The following CHTF8 variants were observed in gnomAD, a reference collection of about 807,000 sequenced individuals.
The protein encoded by CHTF8 is chromosome transmission fidelity protein 8 homolog.
In CHTF8, 6 loss-of-function variants were observed where a neutral mutation model predicts 11.0. That is an observed-to-expected ratio of 0.55 (90% CI 0.30 to 1.08). CHTF8 has a LOEUF of 1.08. CHTF8 is among the 50% of genes least tolerant of loss of function. The pLI is 0.07. For missense variants in CHTF8, 140 were observed against 153.1 expected (o/e 0.91, Z 0.45); for synonymous variants, 53 against 60.5 (o/e 0.88, Z 0.57).
Position 69,120,765 on chromosome 16 carries a change from T to C in CHTF8, c.142-116A>G. On this transcript the variant is annotated intron_variant, in intron 3 of 3. Transcript: ENST00000448552. The surrounding 1 kb of genome is among the most constrained non-coding windows in gnomAD (Gnocchi z 4.0). ...TGGCACCTCCAATCCCTGGTCTGGC[T>C]CTGCCATTGTTGAGCAGCCACACTG... 2 of 923,062 alleles carry C rather than the reference T, an allele frequency of 2.2e-6. No individual in the cohort carries two copies. The allele number at this position is 923,062 out of a possible 1,614,324, so 57.2% of individuals were successfully genotyped here. A position where few individuals can be genotyped will look rare whatever the true frequency, so the allele number is the denominator to read the frequency against.
Position 69,119,551 on chromosome 16 carries a change from G to T in CHTF8, c.*874C>A. 1 of 702,944 alleles carries T rather than the reference G, an allele frequency of 1.4e-6. No homozygotes were observed. The highest frequency in any genetic ancestry group is 1.5e-5 in the South Asian group (1 of 67,598). The allele number at this position is 702,944 out of a possible 1,614,324, so 43.5% of individuals were successfully genotyped here. The stretch of plus-strand genomic sequence containing the variant: ...TGTGCCCATGTTTCCAGAAGCCTGT[G>T]AGAAAGAAGCTGAATTTGCTCCTAA... On this transcript the variant is annotated 3_prime_UTR_variant, in exon 4 of 4. Coordinates refer to ENST00000448552, the MANE Select transcript of CHTF8 (RefSeq NM_001039690.5).
rs1401281386 is a variant in CHTF8, at chr16:69,118,878, G to A, written c.*1547C>T. On this transcript the variant is annotated 3_prime_UTR_variant, in exon 4 of 4. Transcript: ENST00000448552. ...TTTAAGGGGGCAACATTCCATTTGGGTACATTGCAGCCATTGGACCCCCTG... is the reference window on the plus strand; with the variant it reads ...TTTAAGGGGGCAACATTCCATTTGGATACATTGCAGCCATTGGACCCCCTG... 1 of 702,870 alleles carries A rather than the reference G, an allele frequency of 1.4e-6. No individual in the cohort carries two copies. Among genetic ancestry groups the A allele is most frequent in the Non-Finnish European group, 2.6e-6 (1 of 384,948 alleles). The allele number at this position is 702,870 out of a possible 1,614,324, so 43.5% of individuals were successfully genotyped here.
intron 1 of CHTF8, among the ~76,000 whole-genome samples, chr16:69,126,845 A>C (rs1248917433): frequency 1.3e-5 from 2 of 152,184 alleles, no homozygotes; most frequent in African/African-American, 4.8e-5. Flanking sequence ...TCTACTCCAC[A>C]CAACTGTTTC....
At chr16:69,123,476 G>T (rs1253082942) in intron 1 of CHTF8, among the ~76,000 whole-genome samples, 1 of 151,788 alleles carries the variant, frequency 6.6e-6, no homozygotes, top group Admixed American at 6.6e-5. Context: ...GGCCAACACG[G>T]TGAAACCCAG....
At chr16:69,121,317 T>C (rs759713674) in intron 2 of CHTF8, 119 bp downstream of exon 2, 2 of 1,212,600 alleles carry the variant, frequency 1.6e-6, no homozygotes, top group Middle Eastern at 2.0e-4. Context: ...GAACTAGAGA[T>C]CAGAATGCAA....
rs775549046 is a variant in CHTF8, at chr16:69,119,975, C to T, written c.*450G>A. 9 of 698,338 alleles carry T rather than the reference C, an allele frequency of 1.3e-5. No homozygotes were observed. Among genetic ancestry groups the T allele is most frequent in the South Asian group, 1.0e-4 (7 of 67,536 alleles). The allele number at this position is 698,338 out of a possible 1,614,324, so 43.3% of individuals were successfully genotyped here. A position where few individuals can be genotyped will look rare whatever the true frequency, so the allele number is the denominator to read the frequency against. On this transcript the variant is annotated 3_prime_UTR_variant, in exon 4 of 4. Coordinates refer to ENST00000448552, the MANE Select transcript of CHTF8 (RefSeq NM_001039690.5). ...CTTGGGTTGGACATAGGACCTGGTC[C>T]TGGGAGACCCCCTAACCTGGGGTTA...
In CHTF8 at chr16:69,129,029, A is replaced by T. The variant is rs1962294141; in HGVS notation, c.-36+3455T>A. On this transcript the variant is annotated intron_variant, in intron 1 of 3. Transcript: ENST00000448552. ...CAGTGAGCCGAGACTGTGCCACTGC[A>T]CTCTAGCCTGGGTGACAGAGCAAGA... 2.0e-5 allele frequency among the ~76,000 whole-genome samples: 3 copies of T among 151,844 alleles called. No homozygotes were observed. The South Asian group carries it at 6.2e-4, about 32-fold the overall frequency.
intron 1 of CHTF8, among the ~76,000 whole-genome samples, chr16:69,130,014 T>G (rs1441173106): frequency 6.6e-6 from 1 of 152,266 alleles, no homozygotes; most frequent in Non-Finnish European, 1.5e-5. Context: ...GTCAAGAGAA[T>G]AGAGGACATT....
At chr16:69,127,096 C>T (rs56237738) in intron 1 of CHTF8, among the ~76,000 whole-genome samples, 2,528 of 151,980 alleles carry the variant, frequency 0.017, 33 homozygotes, top group Middle Eastern at 0.044. Context: ...AAATTAGCCG[C>T]GCGTGGTGGC....
intron 1 of CHTF8, among the ~76,000 whole-genome samples, chr16:69,124,879 C>T (rs1961943972): frequency 6.6e-6 from 1 of 152,026 alleles, no homozygotes; most frequent in African/African-American, 2.4e-5. Context: ...GAGCACCAAA[C>T]ACTTTGGGAA....
Position 69,120,026 on chromosome 16 carries a change from C to A in CHTF8, c.*399G>T. 1 of 690,064 alleles carries A rather than the reference C, an allele frequency of 1.4e-6. No homozygotes were observed. Among genetic ancestry groups the A allele is most frequent in the Non-Finnish European group, 2.6e-6 (1 of 378,236 alleles). The allele number at this position is 690,064 out of a possible 1,614,324, so 42.7% of individuals were successfully genotyped here. On this transcript the variant is annotated 3_prime_UTR_variant, in exon 4 of 4. Transcript: ENST00000448552. The surrounding 1 kb of genome is among the most constrained non-coding windows in gnomAD (Gnocchi z 4.0). ...GACAGAGGCCCTGGGCCTGGCAGAGCCCCTGTCCTAGGGTTTAGGGTGGGG... is the reference window on the plus strand; with the variant it reads ...GACAGAGGCCCTGGGCCTGGCAGAGACCCTGTCCTAGGGTTTAGGGTGGGG...
chr16:69,122,539 A>ATTTT (rs764144816), intron 1 of CHTF8, among the ~76,000 whole-genome samples: 2 of 130,746 alleles, frequency 1.5e-5, no homozygotes, highest in Non-Finnish European at 3.3e-5. Flanking sequence ...TACCCAGCTA[A>ATTTT]TTTTTTTTTT....
chr16:69,118,029 TAAAG>T lies in CHTF8; in HGVS notation c.*2392_*2395del, dbSNP rs1395777100. 13 of 360,484 alleles carry T rather than the reference TAAAG, an allele frequency of 3.6e-5. No individual in the cohort carries two copies. The highest frequency in any genetic ancestry group is 5.7e-5 in the Non-Finnish European group (11 of 194,252). The allele number at this position is 360,484 out of a possible 1,614,324, so 22.3% of individuals were successfully genotyped here. Reference sequence around the variant, plus strand: ...CCAGCAGCCCTCTCATCCCATTTATTAAAGAAACAGTAAGAAAAGATACAATGCA... The same window carrying T: ...CCAGCAGCCCTCTCATCCCATTTATTAAACAGTAAGAAAAGATACAATGCA... On this transcript the variant is annotated 3_prime_UTR_variant, in exon 4 of 4. Transcript: ENST00000448552.
rs1192177205 is a variant in CHTF8 at position 69,120,554 on chromosome 16, C to G, written c.237G>C (p.Gly79=). ...GGCCAAGCTCATCACAGTCCTGATC[C>G]CCAGGAGTGTGTTTGACAAGGACTG... The part of the protein sequence containing the change: ...PFAVLVKHTP[G]DQDCDELGRE... The change falls in exon 4 of 4, where the codon GGG becomes GGC. Residue 79 remains glycine, a synonymous_variant. Transcript: ENST00000448552. This position sits in a 1 kb window ranked among gnomAD's most constrained non-coding sequence, Gnocchi z 4.0. 4 of 1,613,948 alleles carry G rather than the reference C, an allele frequency of 2.5e-6. No individual in the cohort carries two copies. The highest frequency in any genetic ancestry group is 4.5e-5 in the East Asian group (2 of 44,888).
intron 1 of CHTF8, among the ~76,000 whole-genome samples, 161 bp downstream of exon 1, chr16:69,132,323 C>A (rs1443997814): frequency 6.8e-6 from 1 of 147,566 alleles, no homozygotes; most frequent in African/African-American, 2.5e-5. Context: ...ACCCCTCCCC[C>A]GCCCGCGCTC....
Position 69,120,757 on chromosome 16 carries a change from G to T in CHTF8, c.142-108C>A. The T allele has an allele frequency of 1.0e-6, 1 of 969,366 alleles. No homozygotes were observed. Among genetic ancestry groups the T allele is most frequent in the African/African-American group, 1.6e-5 (1 of 61,938 alleles). 60.0% of individuals were successfully genotyped at this position (969,366 alleles called of 1,614,324 possible). On this transcript the variant is annotated intron_variant, in intron 3 of 3. Transcript: ENST00000448552. This position sits in a 1 kb window ranked among gnomAD's most constrained non-coding sequence, Gnocchi z 4.0. ...GGCTATGCTGGCACCTCCAATCCCT[G>T]GTCTGGCTCTGCCATTGTTGAGCAG...
chr16:69,128,070 G>A (rs958369470), intron 1 of CHTF8, among the ~76,000 whole-genome samples: 16 of 151,946 alleles, frequency 1.1e-4, no homozygotes, highest in South Asian at 2.1e-4. Context: ...ACCTGCCACC[G>A]CGCCTTGCTG....
chr16:69,127,305 G>A (rs1047395500), intron 1 of CHTF8, among the ~76,000 whole-genome samples: 2 of 150,352 alleles, frequency 1.3e-5, no homozygotes, highest in African/African-American at 4.9e-5. Flanking sequence ...AGAGTAGACA[G>A]AGTGAGTAGA....
rs779173707 is a variant in CHTF8 at position 69,121,478 on chromosome 16, A to G, written c.-20T>C. The G allele has an allele frequency of 1.1e-4, 173 of 1,596,834 alleles. No homozygotes were observed. The highest frequency in any genetic ancestry group is 1.4e-4 in the Non-Finnish European group (169 of 1,173,964). On this transcript the variant is annotated 5_prime_UTR_variant, in exon 2 of 4. Transcript: ENST00000448552. ...CACCATGAGCTTTCTGTCTTTAAAA[A>G]GCAAGTGAAAACAAGCTGTAGAGAG...
Sources: allele counts gnomAD v4.1 joint callset (sites outside exome capture counted in the v4.1 genomes callset), GRCh38; gene constraint gnomAD v4.1.1; non-coding constraint Gnocchi (gnomAD v3.1); transcripts MANE v1.5; gene names NCBI Gene and HGNC (gene_info 2026-07-23, HGNC 2026-07-21).